The following ANK3 variants were observed in gnomAD, a reference collection of about 807,000 sequenced individuals.
ANK3 encodes the protein ankyrin 3.
Under a neutral mutation model 370.9 loss-of-function variants are expected in ANK3, and 57 were observed. The ratio of observed to expected loss-of-function variants is 0.15; its 90% CI spans 0.12 to 0.19. ANK3 has a LOEUF of 0.19. Ranked by LOEUF, ANK3 falls within the 10% of genes least tolerant of loss-of-function variation. The pLI, the probability that ANK3 is intolerant of heterozygous loss-of-function variation, is 1.00. For missense variants in ANK3, 4,439 were observed against 5,302.1 expected (o/e 0.84, Z 5.06); for synonymous variants, 1,929 against 1,946.3 (o/e 0.99, Z 0.23).
intron 16 of ANK3, among the ~76,000 whole-genome samples, chr10:60,191,069 T>C (rs1045776530): frequency 1.3e-5 from 2 of 152,152 alleles, no homozygotes; most frequent in Non-Finnish European, 2.9e-5. Flanking sequence ...ACTCTCACCA[T>C]ATACAAAAAT....
At chr10:60,404,137 G>T (rs745707664) in intron 2 of ANK3, among the ~76,000 whole-genome samples, 2 of 151,924 alleles carry the variant, frequency 1.3e-5, no homozygotes, top group Admixed American at 6.6e-5. Context: ...CTCAAGGATT[G>T]AAAGATCCAA....
chr10:60,730,406 T>A (rs2080005292), intron 1 of ANK3, among the ~76,000 whole-genome samples: 1 of 152,112 alleles, frequency 6.6e-6, no homozygotes. Flanking sequence ...GATCCTCGCA[T>A]CTCGGCCTCC....
chr10:60,723,875 A>G (rs1053316641), intron 1 of ANK3, among the ~76,000 whole-genome samples: 2 of 152,054 alleles, frequency 1.3e-5, no homozygotes, highest in Non-Finnish European at 2.9e-5. Flanking sequence ...ATGTGAGGTC[A>G]AGAGCCAGGA....
At chr10:60,381,375 T>C (rs562085196) in intron 1 of ANK3, among the ~76,000 whole-genome samples, 24 of 152,294 alleles carry the variant, frequency 1.6e-4, no homozygotes, top group African/African-American at 5.5e-4. Context: ...ATTAGTACTA[T>C]TGTTAATGAA....
intron 1 of ANK3, among the ~76,000 whole-genome samples, chr10:60,698,453 G>A (rs540065757): frequency 2.6e-4 from 40 of 151,394 alleles, no homozygotes; most frequent in African/African-American, 7.6e-4. Flanking sequence ...ACATGCACAC[G>A]TATGTTTATT....
At chr10:60,046,338 AT>A (rs2076959205) in intron 42 of ANK3, among the ~76,000 whole-genome samples, 1 of 152,214 alleles carries the variant, frequency 6.6e-6, no homozygotes, top group South Asian at 2.1e-4. Context: ...AATGACAAAT[AT>A]TTTTGAGCTA....
Position 60,653,383 on chromosome 10 carries a change from T to A in ANK3, c.58-38159A>T, listed in dbSNP as rs540986428. 4.2e-4 allele frequency among the ~76,000 whole-genome samples: 64 copies of A among 152,274 alleles called. No homozygotes were observed. In the South Asian group the frequency reaches 0.012, roughly 30 times the overall value. On this transcript the variant is annotated intron_variant, in intron 1 of 43. Transcript: ENST00000373827. ...TTTTTTTTCCCATACAGATTTCCCG[T>A]TGTTCCAGTAGTATTTTTTTAAAAG...
intron 2 of ANK3, among the ~76,000 whole-genome samples, chr10:60,583,323 G>T (rs2077781156): frequency 6.6e-6 from 1 of 152,222 alleles, no homozygotes; most frequent in Non-Finnish European, 1.5e-5. Context: ...CATAGAAGTA[G>T]AGAGTAGAAT....
Position 60,072,390 on chromosome 10 carries a change from T to C in ANK3, c.8491A>G (p.Lys2831Glu). ...MPDSFSEQQA[K>E]DLACHITSDL... ...GAGGTTATATGACATGCCAAGTCTT[T>C]AGCCTGCTGCTCAGAAAAAGAGTCA... The change falls in exon 37 of 44, where the codon AAA (lysine) becomes GAA (glutamate). Residue 2831 changes from lysine to glutamate, a missense_variant. Around this residue, in one of 13 missense-constraint regions of ANK3, gnomAD observed 1,601 missense variants for 1,731.7 expected, o/e 0.92. Coordinates refer to ENST00000280772, the MANE Select transcript of ANK3 (RefSeq NM_020987.5). 1 of 1,614,056 alleles carries C rather than the reference T, an allele frequency of 6.2e-7. No individual in the cohort carries two copies. Among genetic ancestry groups the C allele is most frequent in the East Asian group, 2.2e-5 (1 of 44,882 alleles).
At chr10:60,296,363 G>GCA (rs1311029431) in intron 1 of ANK3, among the ~76,000 whole-genome samples, 22 of 152,254 alleles carry the variant, frequency 1.4e-4, no homozygotes, top group African/African-American at 4.6e-4. Flanking sequence ...ATTCCTTAAG[G>GCA]ACAACTTGTC....
At chr10:60,290,962 C>T (rs879643670) in intron 1 of ANK3, among the ~76,000 whole-genome samples, 8 of 152,176 alleles carry the variant, frequency 5.3e-5, no homozygotes, top group African/African-American at 9.7e-5. Flanking sequence ...AGTCTGTCCA[C>T]TATGATCTGG....
At chr10:60,676,448 C>T (rs1353885607) in intron 1 of ANK3, among the ~76,000 whole-genome samples, 1 of 152,154 alleles carries the variant, frequency 6.6e-6, no homozygotes, top group Admixed American at 6.5e-5. Flanking sequence ...CTGTTATATA[C>T]ATTTTCAGTA....
At chr10:60,131,948 A>G (rs1310231376) in intron 25 of ANK3, among the ~76,000 whole-genome samples, 1 of 152,212 alleles carries the variant, frequency 6.6e-6, no homozygotes, top group African/African-American at 2.4e-5. Flanking sequence ...GCAAAGTGTC[A>G]TTGATACCTG....
chr10:60,676,769 G>A (rs1422509889), intron 1 of ANK3, among the ~76,000 whole-genome samples: 1 of 152,212 alleles, frequency 6.6e-6, no homozygotes, highest in Non-Finnish European at 1.5e-5. Context: ...AGAATGAAGA[G>A]AGGTTGGTTA....
At position 60,202,117 on chromosome 10, in the gene ANK3, T is replaced by C. The variant is rs140699610; in HGVS notation, c.1392+885A>G. ...GTAGAAAAATACCCCCCATACTTTA[T>C]TTTTTATTTATTATTTTTTTTGAGA... On this transcript the variant is annotated intron_variant, in intron 12 of 43. Transcript: ENST00000280772. Among the ~76,000 whole-genome samples the C allele has an allele frequency of 3.0e-3, 454 of 152,204 alleles. 3 individuals carry two copies. The highest frequency in any genetic ancestry group is 0.01 in the African/African-American group (436 of 41,528).
At chr10:60,341,330 T>A (rs746848770) in intron 1 of ANK3, among the ~76,000 whole-genome samples, 3 of 152,192 alleles carry the variant, frequency 2.0e-5, no homozygotes, top group Non-Finnish European at 4.4e-5. Flanking sequence ...CTGGCTTATG[T>A]TGGTTACCTC....
At chr10:60,319,935 G>T (rs1366360297) in intron 1 of ANK3, among the ~76,000 whole-genome samples, 2 of 152,092 alleles carry the variant, frequency 1.3e-5, no homozygotes, top group African/African-American at 4.8e-5. Context: ...TCTCAAACTG[G>T]TACTCCAGAG....
In ANK3 at chr10:60,517,401, T is replaced by C. The variant is rs184377846; in HGVS notation, c.96+97785A>G. On this transcript the variant is annotated intron_variant, in intron 2 of 43. Coordinates refer to the ANK3 transcript ENST00000373827. ...CTTAGCTATGAAACTGGTAGGCTTG[T>C]GAAGATGAAATGAGATTACCCATCT... Among the ~76,000 whole-genome samples the C allele has an allele frequency of 2.4e-3, 360 of 152,138 alleles. 2 individuals are homozygous for C. The highest frequency in any genetic ancestry group is 3.6e-3 in the Non-Finnish European group (248 of 68,002).
rs752826387 is a variant in ANK3, at chr10:60,055,765, G to C, written c.12958C>G (p.Pro4320Ala). 1 of 1,614,062 alleles carries C rather than the reference G, an allele frequency of 6.2e-7. No homozygotes were observed. The highest frequency in any genetic ancestry group is 8.5e-7 in the Non-Finnish European group (1 of 1,180,024). Residue 4320 changes from proline (P) to alanine (A), a missense_variant, in exon 42 of 44, where the codon CCC (proline) becomes GCC (alanine). By Grantham distance (27) the Pro-to-Ala change is conservative. Around this residue, in one of 13 missense-constraint regions of ANK3, gnomAD observed 242 missense variants for 228.0 expected, o/e 1.06. Coordinates refer to ENST00000280772, the MANE Select transcript of ANK3 (RefSeq NM_020987.5). ...TTTTTCATACTGACAGGCACACAGG[G>C]TTTAGTCTCTTCTATTATAAGCTTG... ...TSKLIIEETK[P>A]CVPVSMKKMS... is the part of the protein sequence containing the mutation.
Sources: allele counts gnomAD v4.1 joint callset (sites outside exome capture counted in the v4.1 genomes callset), GRCh38; gene constraint gnomAD v4.1.1; regional missense constraint gnomAD v4.1.1; transcripts MANE v1.5; gene names NCBI Gene and HGNC (gene_info 2026-07-23, HGNC 2026-07-21).